Variants in FOXRED2 observed in about 807,000 individuals in gnomAD.
FOXRED2 encodes FAD-dependent oxidoreductase domain-containing protein 2.
FOXRED2 carries 32 observed loss-of-function variants against 52.5 expected under a neutral mutation model. That is an observed-to-expected ratio of 0.61 (90% confidence interval 0.46 to 0.82). The LOEUF is 0.82. Ranked by LOEUF, FOXRED2 falls within the 40% of genes least tolerant of loss-of-function variation. The pLI is 0.00. For missense variants in FOXRED2, 848 were observed against 937.5 expected (o/e 0.90, Z 1.25); for synonymous variants, 405 against 398.1 (o/e 1.02, Z -0.21).
At chr22:36,503,399 T>A (rs1315781604) in intron 4 of FOXRED2, among the ~76,000 whole-genome samples, 1 of 148,754 alleles carries the variant, frequency 6.7e-6, no homozygotes, top group African/African-American at 2.5e-5. Context: ...AACTTCTGCT[T>A]CCCAGGTTCC....
intron 4 of FOXRED2, among the ~76,000 whole-genome samples, chr22:36,503,531 G>T (rs1024378687): frequency 1.3e-5 from 2 of 151,718 alleles, no homozygotes; most frequent in Admixed American, 1.3e-4. Flanking sequence ...GGCTGGTCTC[G>T]AACTCCTAAC....
chr22:36,501,224 T>C lies in FOXRED2; in HGVS notation c.1216+17A>G. On this transcript the variant is annotated intron_variant, in intron 5 of 8. Coordinates refer to ENST00000397224, the MANE Select transcript of FOXRED2 (RefSeq NM_001102371.2). ...GGTTCCGTCTGGGGACAGTTCTGCCTTCTCAGCTGGGCTCACCTGTGTATC... is the reference window on the plus strand; with the variant it reads ...GGTTCCGTCTGGGGACAGTTCTGCCCTCTCAGCTGGGCTCACCTGTGTATC... The C allele has an allele frequency of 6.2e-7, 1 of 1,613,222 alleles. No homozygotes were observed. The highest frequency in any genetic ancestry group is 8.5e-7 in the Non-Finnish European group (1 of 1,179,714).
chr22:36,494,010 C>G (rs1933828662), intron 7 of FOXRED2, among the ~76,000 whole-genome samples: 1 of 152,250 alleles, frequency 6.6e-6, no homozygotes, highest in Non-Finnish European at 1.5e-5. Context: ...GGAAGAGGAA[C>G]TAGGCTTTTC....
rs1162918060 is a variant in FOXRED2 at position 36,493,820 on chromosome 22, G to A, written c.1625-17C>T. ...CCTCCTGTTCTGTGGGGAGGAGAGAGGGGGCCATGTCAGAGCTGTGAGGCT... is the reference window on the plus strand; with the variant it reads ...CCTCCTGTTCTGTGGGGAGGAGAGAAGGGGCCATGTCAGAGCTGTGAGGCT... On this transcript the variant is annotated splice_polypyrimidine_tract_variant and intron_variant, in intron 7 of 8. Transcript: ENST00000397224. 1.9e-6 allele frequency: 3 copies of A among 1,612,726 alleles called. No homozygotes were observed. The highest frequency in any genetic ancestry group is 2.5e-6 in the Non-Finnish European group (3 of 1,179,162).
rs149062122 is a variant in FOXRED2 at position 36,489,782 on chromosome 22, G to C, written c.*226C>G. On this transcript the variant is annotated 3_prime_UTR_variant, in exon 9 of 9. Coordinates refer to ENST00000397224, the MANE Select transcript of FOXRED2 (RefSeq NM_001102371.2). ...GGCTGGGGAAGGCAGCTCCCACCTG[G>C]CAGAGGATGCCCTTCTGCCCCCTGA... 1,891 of 457,186 alleles carry C rather than the reference G, an allele frequency of 4.1e-3. 9 individuals carry two copies. Among genetic ancestry groups the C allele is most frequent in the Non-Finnish European group, 5.3e-3 (1,383 of 258,698 alleles). 28.3% of individuals were successfully genotyped at this position (457,186 alleles called of 1,614,324 possible). A position where few individuals can be genotyped will look rare whatever the true frequency, so the allele number is the denominator to read the frequency against.
chr22:36,504,701 G>A lies in FOXRED2; in HGVS notation c.593C>T (p.Ala198Val). Reference sequence around the variant, plus strand: ...CACGGACACGGACTCGTAACCCTCTGCATATTCGGAGCCAGGGAAGTCAAC... The same window carrying A: ...CACGGACACGGACTCGTAACCCTCTACATATTCGGAGCCAGGGAAGTCAAC... ...NQVDFPGSEY[A>V]EGYESVSVDP... The change falls in exon 3 of 9, where the codon GCA (alanine) becomes GTA (valine). Residue 198 changes from alanine to valine, a missense_variant. Transcript: ENST00000397224. 6.2e-7 allele frequency: 1 copy of A among 1,614,122 alleles called. No homozygotes were observed. Among genetic ancestry groups the A allele is most frequent in the Non-Finnish European group, 8.5e-7 (1 of 1,180,016 alleles).
chr22:36,489,884 A>G lies in FOXRED2; in HGVS notation c.*124T>C. ...TGGTGGCTTTGCTGCAGACACTGCCATGATCTGAGTGGTCTTTGGCAATCA... is the reference window on the plus strand; with the variant it reads ...TGGTGGCTTTGCTGCAGACACTGCCGTGATCTGAGTGGTCTTTGGCAATCA... On this transcript the variant is annotated 3_prime_UTR_variant, in exon 9 of 9. Transcript: ENST00000397224. The G allele has an allele frequency of 9.5e-7, 1 of 1,051,370 alleles. No homozygotes were observed. The highest frequency in any genetic ancestry group is 1.8e-5 in the South Asian group (1 of 54,790). The allele number at this position is 1,051,370 out of a possible 1,614,324, so 65.1% of individuals were successfully genotyped here. A position where few individuals can be genotyped will look rare whatever the true frequency, so the allele number is the denominator to read the frequency against.
chr22:36,497,391 A>T (rs1163284579), intron 6 of FOXRED2, among the ~76,000 whole-genome samples: 1 of 151,884 alleles, frequency 6.6e-6, no homozygotes, highest in Non-Finnish European at 1.5e-5. Context: ...GGTTTTGTGC[A>T]GAAAGCGGCT....
chr22:36,491,656 C>T (rs938543487), intron 8 of FOXRED2, among the ~76,000 whole-genome samples: 16 of 152,120 alleles, frequency 1.1e-4, no homozygotes, highest in Middle Eastern at 3.2e-3. Flanking sequence ...CTGCCTTTCT[C>T]GGCCTCCCAA....
rs548565468 is a variant in FOXRED2 at position 36,497,673 on chromosome 22, G to C, written c.1382+318C>G. On this transcript the variant is annotated intron_variant, in intron 6 of 8. Coordinates refer to ENST00000397224, the MANE Select transcript of FOXRED2 (RefSeq NM_001102371.2). Reference sequence around the variant, plus strand: ...ATCCACGTGGCTGCCTCTGACTACTGCTCATCCACGTGATGCCAAACACTT... The same window carrying C: ...ATCCACGTGGCTGCCTCTGACTACTCCTCATCCACGTGATGCCAAACACTT... Among the ~76,000 whole-genome samples the C allele has an allele frequency of 3.2e-3, 480 of 152,320 alleles. 3 individuals carry two copies. The highest frequency in any genetic ancestry group is 0.011 in the African/African-American group (460 of 41,572).
chr22:36,497,258 T>C (rs1348450817), intron 6 of FOXRED2, among the ~76,000 whole-genome samples: 1 of 151,188 alleles, frequency 6.6e-6, no homozygotes, highest in African/African-American at 2.4e-5. Context: ...GAGAAGTGCT[T>C]GAACCCAGGA....
At position 36,501,325 on chromosome 22, in the gene FOXRED2, C is replaced by A. The variant is rs1414594769; in HGVS notation, c.1132G>T (p.Gly378Cys). 3 of 1,614,026 alleles carry A rather than the reference C, an allele frequency of 1.9e-6. No individual in the cohort carries two copies. Among genetic ancestry groups the A allele is most frequent in the Admixed American group, 3.3e-5 (2 of 59,990 alleles). Residue 378 changes from glycine to cysteine, a missense_variant, in exon 5 of 9, where the codon GGT becomes TGT. Transcript: ENST00000397224. ...CTGGCAGTACCCAGGATAAACAGAC[C>A]CCGGCTTCCTTTGGATTCGTAGCTA... is the stretch of plus-strand genomic sequence containing the variant. ...RASYESKGSR[G>C]LFILGTASHS...
At chr22:36,501,163 TAGG>T in intron 5 of FOXRED2, 75 bp downstream of exon 5, 1 of 1,438,992 alleles carries the variant, frequency 6.9e-7, no homozygotes, top group Non-Finnish European at 9.7e-7. Context: ...CTTCTGGACA[TAGG>T]AGTAGATTTA....
At position 36,498,008 on chromosome 22, in the gene FOXRED2, A is replaced by G. The variant is rs1378021524; in HGVS notation, c.1365T>C (p.Asp455=). The change falls in exon 6 of 9, where the codon GAT becomes GAC. Residue 455 remains aspartate (D), a synonymous_variant. Coordinates refer to ENST00000397224, the MANE Select transcript of FOXRED2 (RefSeq NM_001102371.2). ...CTACTCACTCCTTCAACAGGATGAC[A>G]TCGGCCAGCACACCGAACATCTGGT... ...GLYQMFGVLA[D]VILLKENSTA... is the part of the protein sequence containing the mutation. 1.8e-5 allele frequency: 29 copies of G among 1,613,986 alleles called. No homozygotes were observed. The highest frequency in any genetic ancestry group is 2.3e-5 in the Non-Finnish European group (27 of 1,179,956).
chr22:36,502,754 G>C (rs148895917), intron 4 of FOXRED2, among the ~76,000 whole-genome samples: 1 of 152,010 alleles, frequency 6.6e-6, no homozygotes, highest in Non-Finnish European at 1.5e-5. Flanking sequence ...CCACAATGGC[G>C]CGATCTCGGC....
Position 36,504,364 on chromosome 22 carries a change from G to A in FOXRED2, c.783C>T (p.Ala261=), listed in dbSNP as rs1383062421. ...AGGTATCCAGCAGGCCATTGTTGAT[G>A]GCTCTGAGCCCACAGAGAATGCAGG... ...WATHYVGDLR[A]INNGLLDTYQ... is the part of the protein sequence containing the mutation. Residue 261 remains alanine (A), a synonymous_variant, in exon 4 of 9, where the codon GCC becomes GCT. Coordinates refer to ENST00000397224, the MANE Select transcript of FOXRED2 (RefSeq NM_001102371.2). The A allele has an allele frequency of 1.2e-6, 2 of 1,613,948 alleles. No homozygotes were observed. The highest frequency in any genetic ancestry group is 4.5e-5 in the East Asian group (2 of 44,868).
intron 6 of FOXRED2, among the ~76,000 whole-genome samples, chr22:36,497,764 G>C (rs1933939702): frequency 6.6e-6 from 1 of 152,202 alleles, no homozygotes; most frequent in Non-Finnish European, 1.5e-5. Flanking sequence ...CCATTTTGCA[G>C]ATGAGGAAGA....
At chr22:36,494,549 C>T (rs1435756605) in intron 7 of FOXRED2, among the ~76,000 whole-genome samples, 1 of 152,226 alleles carries the variant, frequency 6.6e-6, no homozygotes, top group African/African-American at 2.4e-5. Context: ...GTCAGATGGC[C>T]ATCGAGTCAA....
At chr22:36,504,057 G>C (rs1399854930) in intron 4 of FOXRED2, 41 bp downstream of exon 4, 1 of 1,594,420 alleles carries the variant, frequency 6.3e-7, no homozygotes, top group Non-Finnish European at 8.6e-7. Flanking sequence ...GGGTCAGGAG[G>C]GTTTGCTAGG....
Sources: gnomAD v4.1 joint callset for allele counts (sites outside exome capture counted in the v4.1 genomes callset) on GRCh38, gnomAD v4.1.1 for gene constraint, MANE v1.5 for transcripts, NCBI Gene and HGNC (gene_info 2026-07-23, HGNC 2026-07-21) for gene names.